ZNF345: variants seen among roughly 807,000 people sequenced by gnomAD.
The protein encoded by ZNF345 is zinc finger protein HZF10.
For missense variants in ZNF345, 527 were observed against 589.9 expected (o/e 0.89, Z 1.10); for synonymous variants, 166 against 187.9 (o/e 0.88, Z 0.95).
intron 2 of ZNF345, among the ~76,000 whole-genome samples, chr19:36,866,662 C>A (rs1231322589): frequency 6.6e-6 from 1 of 152,142 alleles, no homozygotes; most frequent in Non-Finnish European, 1.5e-5. Context: ...GATTCTCCTG[C>A]CTCAGCCTCC....
intron 3 of ZNF345, among the ~76,000 whole-genome samples, chr19:36,884,745 G>T (rs183714604): frequency 2.0e-5 from 3 of 152,216 alleles, no homozygotes; most frequent in Admixed American, 2.0e-4. Flanking sequence ...GCCATCCAAA[G>T]CACCCAGCCA....
chr19:36,864,979 A>C (rs533939017), intron 2 of ZNF345, among the ~76,000 whole-genome samples: 1 of 152,252 alleles, frequency 6.6e-6, no homozygotes, highest in South Asian at 2.1e-4. Context: ...TACCAGAAGC[A>C]TTTGCTACAA....
rs1444086840 is a variant in ZNF345 at position 36,879,004 on chromosome 19, T to A, written c.*707T>A. On this transcript the variant is annotated 3_prime_UTR_variant, in exon 3 of 3. Transcript: ENST00000420450. ...GGCGCCCGCCACCACGCCCAGCTAA[T>A]TTTTTGTATTTTCATTAGAGATGGG... 6.2e-6 allele frequency: 1 copy of A among 161,120 alleles called. No individual in the cohort carries two copies. Among genetic ancestry groups the A allele is most frequent in the Non-Finnish European group, 1.5e-5 (1 of 68,096 alleles). The allele number at this position is 161,120 out of a possible 1,614,324, so 10.0% of individuals were successfully genotyped here.
At chr19:36,888,094 A>C (rs1277964238) in intron 3 of ZNF345, 1 of 152,168 alleles carries the variant, frequency 6.6e-6, no homozygotes, top group Non-Finnish European at 1.5e-5. Flanking sequence ...ATGTAAAGAA[A>C]TTTGTAATCA....
Position 36,877,006 on chromosome 19 carries a change from A to C in ZNF345, c.176A>C (p.Glu59Ala). Residue 59 changes from glutamate (E) to alanine (A), a missense_variant, in exon 3 of 3, where the codon GAG (glutamate) becomes GCG (alanine). By Grantham distance (107) the Glu-to-Ala change is moderately radical. Transcript: ENST00000420450. ...SIQHQRIHTD[E>A]KLLECKECGK... ...CAGCATCAGAGAATTCATACTGATGAGAAACTCCTTGAATGTAAGGAATGT... is the reference window on the plus strand; with the variant it reads ...CAGCATCAGAGAATTCATACTGATGCGAAACTCCTTGAATGTAAGGAATGT... The C allele has an allele frequency of 6.2e-7, 1 of 1,614,178 alleles. No individual in the cohort carries two copies. The highest frequency in any genetic ancestry group is 8.5e-7 in the Non-Finnish European group (1 of 1,180,004).
chr19:36,883,353 A>G (rs1051487554), downstream of ZNF345, among the ~76,000 whole-genome samples: 1 of 152,092 alleles, frequency 6.6e-6, no homozygotes, highest in African/African-American at 2.4e-5. Flanking sequence ...TCTGTTCCCT[A>G]AAGATTGAAG....
chr19:36,852,128 C>CTTTTTTTTTTTTTTTTTTT (rs35747733), intron 2 of ZNF345, among the ~76,000 whole-genome samples: 67 of 102,660 alleles, frequency 6.5e-4, no homozygotes, highest in Non-Finnish European at 9.3e-4. Context: ...TTCTTTCTTT[C>CTTTTTTTTTTTTTTTTTTT]TTTTTTTTTT....
At chr19:36,880,431 T>G (rs1361200370), downstream of ZNF345, among the ~76,000 whole-genome samples, 1 of 139,030 alleles carries the variant, frequency 7.2e-6, no homozygotes, top group Non-Finnish European at 1.5e-5. Flanking sequence ...GTAAAAAAAC[T>G]AGCAGTTTTC....
chr19:36,886,763 G>A (rs1324460883), intron 3 of ZNF345, among the ~76,000 whole-genome samples: 8 of 151,664 alleles, frequency 5.3e-5, no homozygotes, highest in Admixed American at 3.9e-4. Flanking sequence ...CGAGGCGGGC[G>A]GATCACGAGG....
At chr19:36,866,600 A>G (rs575025704) in intron 2 of ZNF345, among the ~76,000 whole-genome samples, 2 of 152,270 alleles carry the variant, frequency 1.3e-5, no homozygotes, top group African/African-American at 4.8e-5. Context: ...CCCACGCTAG[A>G]GTGTAATGGC....
chr19:36,890,945 A>G (rs2146221547), intron 3 of ZNF345: 1 of 152,520 alleles, frequency 6.6e-6, no homozygotes, highest in African/African-American at 2.4e-5. Context: ...CTAACAGGGT[A>G]TTATGGGTTG....
downstream of ZNF345, among the ~76,000 whole-genome samples, chr19:36,881,786 T>G (rs2072969871): frequency 6.6e-6 from 1 of 152,202 alleles, no homozygotes; most frequent in South Asian, 2.1e-4. Flanking sequence ...TCCTGCAGAT[T>G]AATCTGTTGG....
chr19:36,868,618 A>G (rs2072710921), intron 2 of ZNF345, among the ~76,000 whole-genome samples: 1 of 148,054 alleles, frequency 6.8e-6, no homozygotes, highest in Non-Finnish European at 1.5e-5. Context: ...CCACATGGAT[A>G]TGAGGAGTGG....
chr19:36,891,644 T>C, intron 3 of ZNF345: 1 of 1,613,560 alleles, frequency 6.2e-7, no homozygotes, highest in Non-Finnish European at 8.5e-7. Context: ...CCACATTCAT[T>C]ACATTCATAT....
intron 2 of ZNF345, among the ~76,000 whole-genome samples, chr19:36,864,802 TCAGGGTTATACGTG>T (rs1267708232): frequency 6.6e-6 from 1 of 152,092 alleles, no homozygotes; most frequent in African/African-American, 2.4e-5. Context: ...ACAGTCATCG[TCAGGGTTATACGTG>T]CAGGGTTGGC....
intron 3 of ZNF345, among the ~76,000 whole-genome samples, chr19:36,887,172 ACAC>A (rs146770134): frequency 0.017 from 2,566 of 151,270 alleles, 34 homozygotes; most frequent in East Asian, 0.044. Context: ...ATCTCAAAAA[ACAC>A]CACCACCACC....
At chr19:36,873,415 T>C (rs2072809963) in intron 2 of ZNF345, among the ~76,000 whole-genome samples, 1 of 152,204 alleles carries the variant, frequency 6.6e-6, no homozygotes, top group Admixed American at 6.5e-5. Flanking sequence ...TTGATACATA[T>C]TATGAAATGG....
At chr19:36,860,388 A>T (rs1342708548) in intron 2 of ZNF345, among the ~76,000 whole-genome samples, 1 of 152,186 alleles carries the variant, frequency 6.6e-6, no homozygotes, top group East Asian at 1.9e-4. Context: ...GATTCATCCC[A>T]GTAATGTTCT....
intron 3 of ZNF345, among the ~76,000 whole-genome samples, chr19:36,887,172 A>ACAC (rs146770134): frequency 6.6e-5 from 10 of 151,184 alleles, no homozygotes; most frequent in East Asian, 1.9e-4. Flanking sequence ...ATCTCAAAAA[A>ACAC]CACCACCACC....
Sources: allele counts gnomAD v4.1 joint callset (sites outside exome capture counted in the v4.1 genomes callset), GRCh38; gene constraint gnomAD v4.1.1; transcripts MANE v1.5; gene names NCBI Gene and HGNC (gene_info 2026-07-23, HGNC 2026-07-21).